The following PCSK5 variants were observed in gnomAD, a reference collection of about 807,000 sequenced individuals.
PCSK5 encodes the protein prohormone convertase 5.
Under a neutral mutation model 233.2 loss-of-function variants are expected in PCSK5, and 129 were observed. The observed-to-expected ratio is 0.55, with a 90% CI of 0.48 to 0.64. The LOEUF is 0.64. Ranked by LOEUF, PCSK5 falls within the 30% of genes least tolerant of loss-of-function variation. The pLI, the probability that PCSK5 is intolerant of heterozygous loss-of-function variation, is 0.00. For missense variants in PCSK5, 2,076 were observed against 2,430.1 expected, an observed-to-expected ratio of 0.85 and a Z score of 3.06; for synonymous variants, 825 against 879.2, an observed-to-expected ratio of 0.94 and a Z score of 1.09.
intron 7 of PCSK5, among the ~76,000 whole-genome samples, chr9:76,088,602 C>T (rs1015872786): frequency 1.6e-4 from 25 of 152,238 alleles, no homozygotes; most frequent in Non-Finnish European, 2.8e-4. Context: ...TGATCTTATT[C>T]CCTGAGTCTT....
At chr9:76,050,525 GATGT>G (rs1314509883) in intron 5 of PCSK5, among the ~76,000 whole-genome samples, 1 of 152,102 alleles carries the variant, frequency 6.6e-6, no homozygotes, top group Admixed American at 6.5e-5. Context: ...TAATTATGAT[GATGT>G]GAAATTATAG....
chr9:76,071,031 A>T (rs1260016594), intron 6 of PCSK5, among the ~76,000 whole-genome samples: 1 of 152,166 alleles, frequency 6.6e-6, no homozygotes, highest in African/African-American at 2.4e-5. Flanking sequence ...TTTGGCATAG[A>T]ATTTATTTCT....
chr9:75,949,416 T>G (rs1011651537), intron 2 of PCSK5, among the ~76,000 whole-genome samples: 1 of 152,174 alleles, frequency 6.6e-6, no homozygotes, highest in Non-Finnish European at 1.5e-5. Flanking sequence ...TATTTTTCCA[T>G]GTCATGAAGT....
At chr9:76,227,693 C>A (rs1399974218) in intron 21 of PCSK5, 88 bp downstream of exon 21, 3 of 787,802 alleles carry the variant, frequency 3.8e-6, no homozygotes, top group Non-Finnish European at 6.5e-6. Flanking sequence ...AGCAGCACCT[C>A]ATGGGCCTGC....
chr9:76,233,766 C>T (rs1268575670), intron 22 of PCSK5, among the ~76,000 whole-genome samples, 170 bp downstream of exon 22: 1 of 152,104 alleles, frequency 6.6e-6, no homozygotes, highest in African/African-American at 2.4e-5. Flanking sequence ...TGTCAGTACA[C>T]AAAAAGCTTG....
chr9:76,079,638 A>G (rs951207583), intron 7 of PCSK5, among the ~76,000 whole-genome samples: 2 of 152,164 alleles, frequency 1.3e-5, no homozygotes, highest in African/African-American at 4.8e-5. Flanking sequence ...TTCTTTTCCT[A>G]CTTGGATGCT....
chr9:75,965,560 A>G (rs1825547777), intron 2 of PCSK5, among the ~76,000 whole-genome samples: 1 of 152,200 alleles, frequency 6.6e-6, no homozygotes, highest in Non-Finnish European at 1.5e-5. Context: ...TATTCAGGCC[A>G]TCAGTGGATT....
At chr9:76,319,972 C>T (rs2643315) in intron 30 of PCSK5, among the ~76,000 whole-genome samples, 52,857 of 151,936 alleles carry the variant, frequency 0.35, 9,529 homozygotes, top group African/African-American at 0.41. Context: ...TGTAATCACG[C>T]GACTTGCTTC....
chr9:76,108,195 A>G (rs530735457), intron 9 of PCSK5, among the ~76,000 whole-genome samples: 2 of 152,316 alleles, frequency 1.3e-5, no homozygotes, highest in South Asian at 4.1e-4. Context: ...TATAGGCATC[A>G]TCTCTGAAAA....
chr9:76,065,054 T>C (rs12238358), intron 5 of PCSK5, among the ~76,000 whole-genome samples: 20,939 of 152,260 alleles, frequency 0.14, 1,893 homozygotes, highest in East Asian at 0.37. Flanking sequence ...TATTCATTCA[T>C]CTGTTGATGG....
chr9:75,925,411 G>A (rs1016083290), intron 1 of PCSK5, among the ~76,000 whole-genome samples: 7 of 152,224 alleles, frequency 4.6e-5, no homozygotes, highest in African/African-American at 9.6e-5. Context: ...TATTCTACTC[G>A]TTTATTGAGT....
intron 37 of PCSK5, 71 bp downstream of exon 37, chr9:76,354,290 GGGGGGATGGAAAGTTCA>G (rs1830242875): frequency 5.6e-6 from 7 of 1,255,422 alleles, no homozygotes; most frequent in Non-Finnish European, 7.7e-6. Flanking sequence ...GCAGAGGGAG[GGGGGGATGGAAAGTTCA>G]GGAGAATCAA....
intron 15 of PCSK5, among the ~76,000 whole-genome samples, chr9:76,180,397 C>G (rs1446829186): frequency 6.6e-6 from 1 of 152,124 alleles, no homozygotes; most frequent in African/African-American, 2.4e-5. Context: ...CAAACTGATG[C>G]TTTTCCACAT....
At chr9:76,040,379 C>CTCTG (rs1829059505) in intron 5 of PCSK5, among the ~76,000 whole-genome samples, 1 of 51,094 alleles carries the variant, frequency 2.0e-5, no homozygotes, top group Non-Finnish European at 3.4e-5. Flanking sequence ...CTCTCTCTCT[C>CTCTG]TCTCTGTCTC....
At chr9:76,175,337 GAACA>G (rs756575818) in intron 14 of PCSK5, 1 of 556,812 alleles carries the variant, frequency 1.8e-6, no homozygotes. Context: ...GAATAGAACA[GAACA>G]ATCTACTACC....
intron 2 of PCSK5, among the ~76,000 whole-genome samples, chr9:75,979,292 A>C (rs980988831): frequency 1.3e-5 from 2 of 152,088 alleles, no homozygotes; most frequent in African/African-American, 4.8e-5. Flanking sequence ...CATACTGGCT[A>C]GCATCACAAG....
chr9:76,153,127 A>AG, intron 10 of PCSK5, among the ~76,000 whole-genome samples: 1 of 152,204 alleles, frequency 6.6e-6, no homozygotes, highest in Non-Finnish European at 1.5e-5. Flanking sequence ...ATCAAAATGT[A>AG]AGCAGCCCTG....
chr9:76,045,775 G>A (rs927552631), intron 5 of PCSK5, among the ~76,000 whole-genome samples: 1 of 152,168 alleles, frequency 6.6e-6, no homozygotes, highest in African/African-American at 2.4e-5. Flanking sequence ...CCTATGGTGG[G>A]CACTGAAGTG....
chr9:76,200,664 G>T (rs964674288), intron 20 of PCSK5, among the ~76,000 whole-genome samples: 2 of 152,160 alleles, frequency 1.3e-5, no homozygotes, highest in African/African-American at 4.8e-5. Context: ...ATCAAAGAAG[G>T]TTATGATGTT....
Sources: allele counts gnomAD v4.1 joint callset (sites outside exome capture counted in the v4.1 genomes callset), GRCh38; gene constraint gnomAD v4.1.1; transcripts MANE v1.5; gene names NCBI Gene and HGNC (gene_info 2026-07-23, HGNC 2026-07-21).